Variants in BORCS5 observed in about 807,000 individuals in gnomAD.
The protein encoded by BORCS5 is BLOC-1 related complex subunit 5.
Under a neutral mutation model 22.1 loss-of-function variants are expected in BORCS5, and 17 were observed. The ratio of observed to expected loss-of-function variants is 0.77; its 90% CI spans 0.53 to 1.15. The LOEUF (loss-of-function observed/expected upper bound fraction) is 1.15. BORCS5 is among the 50% of genes most tolerant of loss of function. BORCS5 has a pLI of 0.00. For synonymous variants in BORCS5, 117 were observed against 99.8 expected, an observed-to-expected ratio of 1.17 and a Z score of -1.03; for missense variants, 247 against 253.2, an observed-to-expected ratio of 0.98 and a Z score of 0.17.
intron 3 of BORCS5, chr12:12,452,111 A>T (rs1942922798): frequency 2.0e-6 from 1 of 499,052 alleles, no homozygotes; most frequent in African/African-American, 2.0e-5. Context: ...TTTTATTTAA[A>T]AGAGGGCAGG....
rs1943230202 is a variant in BORCS5 at position 12,468,007 on chromosome 12, G to C, written c.*2231G>C. ...CTTGGTCTGCAGCCACAAGGATGAAGGTTTGGGGATGAGAGACCAGCACGG... is the reference window on the plus strand; with the variant it reads ...CTTGGTCTGCAGCCACAAGGATGAACGTTTGGGGATGAGAGACCAGCACGG... On this transcript the variant is annotated 3_prime_UTR_variant, in exon 4 of 4. Coordinates refer to ENST00000314565, the MANE Select transcript of BORCS5 (RefSeq NM_058169.6). 1 of 152,270 alleles carries C rather than the reference G, an allele frequency of 6.6e-6. No homozygotes were observed. Among genetic ancestry groups the C allele is most frequent in the South Asian group, 2.1e-4 (1 of 4,826 alleles). The allele number at this position is 152,270 out of a possible 1,614,324, so 9.4% of individuals were successfully genotyped here.
intron 2 of BORCS5, among the ~76,000 whole-genome samples, chr12:12,421,386 C>G (rs564012268): frequency 6.6e-6 from 1 of 152,292 alleles, no homozygotes; most frequent in East Asian, 1.9e-4. Context: ...AGCCTTGCAT[C>G]CCAGGGATGA....
At chr12:12,384,746 T>TGA (rs1262801098) in intron 2 of BORCS5, among the ~76,000 whole-genome samples, 2 of 151,374 alleles carry the variant, frequency 1.3e-5, no homozygotes, top group Non-Finnish European at 3.0e-5. Flanking sequence ...CTCAGATTTC[T>TGA]GTGGGTCAGG....
intron 2 of BORCS5, among the ~76,000 whole-genome samples, chr12:12,395,554 C>T (rs1233417474): frequency 2.6e-5 from 4 of 150,956 alleles, no homozygotes; most frequent in Non-Finnish European, 2.9e-5. Flanking sequence ...CCCAGCGTGC[C>T]GGGATTACAG....
At chr12:12,458,429 AT>A (rs1195095600) in intron 3 of BORCS5, among the ~76,000 whole-genome samples, 1 of 152,104 alleles carries the variant, frequency 6.6e-6, no homozygotes, top group East Asian at 1.9e-4. Context: ...TGATATATTC[AT>A]TCTGGATGTA....
At chr12:12,410,159 T>G (rs1227203880) in intron 2 of BORCS5, among the ~76,000 whole-genome samples, 2 of 152,370 alleles carry the variant, frequency 1.3e-5, no homozygotes, top group East Asian at 3.8e-4. Flanking sequence ...GCAAACATTT[T>G]CTCCCATTCT....
chr12:12,368,761 C>G (rs959524061), intron 2 of BORCS5, among the ~76,000 whole-genome samples: 1 of 152,064 alleles, frequency 6.6e-6, no homozygotes, highest in Non-Finnish European at 1.5e-5. Context: ...ACTCCTTGTT[C>G]TGTTTGTCCA....
chr12:12,411,596 T>C (rs1941735318), intron 2 of BORCS5, among the ~76,000 whole-genome samples: 1 of 152,216 alleles, frequency 6.6e-6, no homozygotes, highest in Non-Finnish European at 1.5e-5. Flanking sequence ...TTTTCATGCA[T>C]AAAGTTTTAA....
chr12:12,379,356 C>A (rs995395127), intron 2 of BORCS5, among the ~76,000 whole-genome samples: 1 of 151,296 alleles, frequency 6.6e-6, no homozygotes, highest in Non-Finnish European at 1.5e-5. Context: ...CTCAGGTGAT[C>A]CGCCTGCCTC....
At chr12:12,457,595 G>C (rs950732661) in intron 3 of BORCS5, among the ~76,000 whole-genome samples, 1 of 148,230 alleles carries the variant, frequency 6.7e-6, no homozygotes, top group Non-Finnish European at 1.5e-5. Context: ...CGTGAACCCC[G>C]GGGGGCAGAG....
At chr12:12,440,618 A>C (rs556739968) in intron 3 of BORCS5, among the ~76,000 whole-genome samples, 13 of 151,550 alleles carry the variant, frequency 8.6e-5, no homozygotes, top group Non-Finnish European at 1.6e-4. Context: ...AAAAAAAAAA[A>C]AACCAGGATT....
At chr12:12,434,371 G>T (rs1942508316) in intron 2 of BORCS5, among the ~76,000 whole-genome samples, 2 of 151,860 alleles carry the variant, frequency 1.3e-5, no homozygotes, top group South Asian at 2.1e-4. Flanking sequence ...TGTAGCATTG[G>T]CTCTGCTGTG....
chr12:12,403,669 C>T (rs1363501719), intron 2 of BORCS5, among the ~76,000 whole-genome samples: 1 of 152,176 alleles, frequency 6.6e-6, no homozygotes, highest in African/African-American at 2.4e-5. Context: ...TCAACAAAGG[C>T]TGTGATGTAC....
intron 2 of BORCS5, among the ~76,000 whole-genome samples, chr12:12,391,477 C>T (rs1043164517): frequency 6.6e-6 from 1 of 151,718 alleles, no homozygotes; most frequent in Admixed American, 6.6e-5. Flanking sequence ...CCTCCACCAC[C>T]TGAGTTCAAA....
rs761039053 is a variant in BORCS5 at position 12,435,717 on chromosome 12, G to C, written c.292G>C (p.Asp98His). The change falls in exon 3 of 4, where the codon GAT becomes CAT. Residue 98 changes from aspartate to histidine, a missense_variant. Physicochemically the swap from Asp to His is moderately conservative, Grantham distance 81. Coordinates refer to ENST00000314565, the MANE Select transcript of BORCS5 (RefSeq NM_058169.6). The stretch of plus-strand genomic sequence containing the variant: ...GTTGCAGCTCTGCCTCCGATATCAA[G>C]ATCACCTGCATCAGTGTGCAGAGGC... ...QVLQLCLRYQ[D>H]HLHQCAEAVA... is the part of the protein sequence containing the mutation. 9 of 1,614,102 alleles carry C rather than the reference G, an allele frequency of 5.6e-6. No individual in the cohort carries two copies. The highest frequency in any genetic ancestry group is 7.6e-6 in the Non-Finnish European group (9 of 1,179,990).
intron 2 of BORCS5, among the ~76,000 whole-genome samples, chr12:12,434,082 G>A (rs1189679343): frequency 1.3e-5 from 2 of 151,956 alleles, no homozygotes; most frequent in Non-Finnish European, 2.9e-5. Context: ...GAGCCCAGAA[G>A]TTCGAGACCA....
intron 3 of BORCS5, 137 bp downstream of exon 3, chr12:12,435,922 G>A: frequency 1.2e-6 from 1 of 834,216 alleles, no homozygotes; most frequent in Non-Finnish European, 1.8e-6. Flanking sequence ...ATGTGATGAT[G>A]AAAAAAGTGG....
At chr12:12,431,049 T>C (rs1942410368) in intron 2 of BORCS5, among the ~76,000 whole-genome samples, 1 of 152,216 alleles carries the variant, frequency 6.6e-6, no homozygotes, top group African/African-American at 2.4e-5. Context: ...TGTATATACA[T>C]CATTTAGCTT....
intron 2 of BORCS5, among the ~76,000 whole-genome samples, chr12:12,404,245 A>G (rs1372240932): frequency 6.6e-6 from 1 of 152,172 alleles, no homozygotes; most frequent in African/African-American, 2.4e-5. Context: ...GAAATTAGAG[A>G]TCTTTAGCCA....
Sources: gnomAD v4.1 joint callset for allele counts (sites outside exome capture counted in the v4.1 genomes callset) on GRCh38, gnomAD v4.1.1 for gene constraint, MANE v1.5 for transcripts, NCBI Gene and HGNC (gene_info 2026-07-23, HGNC 2026-07-21) for gene names.